Variants in TUBGCP6 observed in about 807,000 individuals in gnomAD.
TUBGCP6 encodes gamma-tubulin complex component 6.
TUBGCP6 carries 161 observed loss-of-function variants against 175.8 expected under a neutral mutation model. The ratio of observed to expected loss-of-function variants is 0.92; its 90% CI spans 0.81 to 1.04. TUBGCP6 has a LOEUF of 1.04. TUBGCP6 is among the 50% of genes least tolerant of loss of function. The pLI, the probability that TUBGCP6 is intolerant of heterozygous loss-of-function variation, is 0.00. For synonymous variants in TUBGCP6, 1,173 were observed against 1,030.5 expected (o/e 1.14, Z -2.65); for missense variants, 2,572 against 2,433.0 (o/e 1.06, Z -1.20).
Position 50,243,788 on chromosome 22 carries a change from A to G in TUBGCP6, c.672T>C (p.Tyr224=), listed in dbSNP as rs767597250. 1.4e-5 allele frequency: 23 copies of G among 1,613,452 alleles called. No homozygotes were observed. Among genetic ancestry groups the G allele is most frequent in the African/African-American group, 5.3e-5 (4 of 74,848 alleles). ...GCAGGCCCAGTCGGACGTCCATGTC[A>G]TAAGTGCGGCTGTGCACAAGGGCCC... The part of the protein sequence containing the change: ...LFGALVHSRT[Y]DMDVRLGLPP... The change falls in exon 1 of 25, where the codon TAT becomes TAC. Residue 224 remains tyrosine (Y), a synonymous_variant. Coordinates refer to ENST00000248846, the MANE Select transcript of TUBGCP6 (RefSeq NM_020461.4).
In TUBGCP6 at chr22:50,224,555, G is replaced by A. The variant is rs35446002; in HGVS notation, c.2021C>T (p.Ala674Val). The change falls in exon 11 of 25, where the codon GCT becomes GTT. Residue 674 changes from alanine to valine, a missense_variant. Ala to Val is a moderately conservative substitution (Grantham distance 64). Transcript: ENST00000248846. The stretch of plus-strand genomic sequence containing the variant: ...CCTGGATGCTGCTTCCCGGGCATGA[G>A]CGATTAATTCTTGTTTTGCAATTTC... ...RMEIAKQELI[A>V]HAREAASRVL... is the part of the protein sequence containing the mutation. The A allele has an allele frequency of 6.6e-4, 1,059 of 1,614,142 alleles. 10 individuals are homozygous for A. The African/African-American group carries it at 0.013, about 19-fold the overall frequency.
chr22:50,220,174 A>C (rs1488884230), intron 16 of TUBGCP6, 77 bp downstream of exon 16: 1 of 1,546,184 alleles, frequency 6.5e-7, no homozygotes, highest in Non-Finnish European at 8.8e-7. Flanking sequence ...CATGCCACCA[A>C]CCCCACTGCC....
At position 50,220,355 on chromosome 22, in the gene TUBGCP6, C is replaced by A; in HGVS notation, c.4004G>T (p.Gly1335Val). Residue 1335 changes from glycine to valine, a missense_variant, in exon 16 of 25, where the codon GGC becomes GTC. Gly to Val is a moderately radical substitution (Grantham distance 109). Coordinates refer to ENST00000248846, the MANE Select transcript of TUBGCP6 (RefSeq NM_020461.4). ...CACGCTGATGCTCCCCTCCCCGCAG[C>A]CCGAGCTGGGGGAGGACAGAGATGG... ...VGPSLSSPSS[G>V]CGEGSISVGE... The A allele has an allele frequency of 6.5e-7, 1 of 1,532,868 alleles. No homozygotes were observed. The highest frequency in any genetic ancestry group is 1.2e-5 in the South Asian group (1 of 80,070). The allele number at this position is 1,532,868 out of a possible 1,614,324, so 95.0% of individuals were successfully genotyped here. A position where few individuals can be genotyped will look rare whatever the true frequency, so the allele number is the denominator to read the frequency against.
In TUBGCP6 at chr22:50,219,706, T is replaced by G. The variant is rs200427761; in HGVS notation, c.4253A>C (p.Tyr1418Ser). The change falls in exon 18 of 25, where the codon TAC becomes TCC. Residue 1418 changes from tyrosine (Y) to serine (S), a missense_variant. Transcript: ENST00000248846. ...AAEAQGGEQA[Y>S]LAGLAGQYHL... ...GTACTGCCCTGCCAGGCCTGCCAGG[T>G]AGGCCTGCTCCCCACCCTGAGCCTC... 7.6e-5 allele frequency: 123 copies of G among 1,613,514 alleles called. No individual in the cohort carries two copies. The highest frequency in any genetic ancestry group is 7.7e-5 in the Non-Finnish European group (91 of 1,179,932).
At position 50,223,983 on chromosome 22, in the gene TUBGCP6, C is replaced by T. The variant is rs878975340; in HGVS notation, c.2270+158G>A. ...CTAAGGATGCCTGGATAAGGCAGAA[C>T]GCCCACAGCCACTCTGGGTTCAGCA... On this transcript the variant is annotated intron_variant, in intron 13 of 24. Coordinates refer to ENST00000248846, the MANE Select transcript of TUBGCP6 (RefSeq NM_020461.4). 14 of 655,726 alleles carry T rather than the reference C, an allele frequency of 2.1e-5. No homozygotes were observed. The East Asian group carries it at 2.7e-4, about 13-fold the overall frequency. 40.6% of individuals were successfully genotyped at this position (655,726 alleles called of 1,614,324 possible). A position where few individuals can be genotyped will look rare whatever the true frequency, so the allele number is the denominator to read the frequency against.
chr22:50,220,531 G>A lies in TUBGCP6; in HGVS notation c.3828C>T (p.His1276=), dbSNP rs202072424. The A allele has an allele frequency of 1.2e-5, 20 of 1,613,466 alleles. No homozygotes were observed. Among genetic ancestry groups the A allele is most frequent in the Non-Finnish European group, 8.5e-7 (1 of 1,180,040 alleles). The change falls in exon 16 of 25, where the codon CAC becomes CAT. Residue 1276 remains histidine (H), a synonymous_variant. Transcript: ENST00000248846. ...WNTHVPIPPP[H]MVLGALSPEA... ...CTGGTGAGAGAGCCCCCAGCACCAT[G>A]TGGGGCGGAGGGATGGGTACATGGG...
rs1482201375 is a variant in TUBGCP6, at chr22:50,218,259, A to T, written c.5098T>A (p.Leu1700Met). 1.2e-6 allele frequency: 2 copies of T among 1,613,102 alleles called. No individual in the cohort carries two copies. Among genetic ancestry groups the T allele is most frequent in the Admixed American group, 1.7e-5 (1 of 60,028 alleles). Residue 1700 changes from leucine (L) to methionine (M), a missense_variant, in exon 23 of 25, where the codon TTG (leucine) becomes ATG (methionine). Transcript: ENST00000248846. ...HVTWCEFRAR[L>M]ATVGDLEEIQ... ...TCCTCCAGGTCGCCCACGGTGGCCA[A>T]CCTGGCCCTGAACTCGCACCAGGTG...
intron 1 of TUBGCP6, 87 bp downstream of exon 1, chr22:50,243,632 A>AGAAGAAGAAGAAGAAGAAGAAG: frequency 1.0e-6 from 1 of 953,116 alleles, no homozygotes; most frequent in South Asian, 2.0e-5. Context: ...AAAAAAAAAA[A>AGAAGAAGAAGAAGAAGAAGAAG]AAGAAGAAGA....
In TUBGCP6 at chr22:50,225,914, G is replaced by A. The variant is rs370335916; in HGVS notation, c.1863C>T (p.Val621=). 69 of 1,613,730 alleles carry A rather than the reference G, an allele frequency of 4.3e-5. No individual in the cohort carries two copies. In the African/African-American group the frequency reaches 7.5e-4, roughly 17 times the overall value. The change falls in exon 10 of 25, where the codon GTC becomes GTT. Residue 621 remains valine, a synonymous_variant. Transcript: ENST00000248846. ...RHYLCWSDVP[V]PRISVIFSLE... ...GGGAGAAAATCACCGAGATCCGGGGGACAGGGACGTCGGACCAACAGAGGT... is the reference window on the plus strand; with the variant it reads ...GGGAGAAAATCACCGAGATCCGGGGAACAGGGACGTCGGACCAACAGAGGT...
At chr22:50,229,280 G>T in intron 4 of TUBGCP6, 124 bp downstream of exon 4, 1 of 1,111,648 alleles carries the variant, frequency 9.0e-7, no homozygotes, top group Non-Finnish European at 1.3e-6. Context: ...GGTTTCAGAT[G>T]TTAGCAAGGA....
intron 15 of TUBGCP6, 30 bp downstream of exon 15, chr22:50,221,998 G>C (rs773135599): frequency 6.2e-7 from 1 of 1,612,924 alleles, no homozygotes; most frequent in South Asian, 1.1e-5. Flanking sequence ...GAAAACCATA[G>C]GGCACCCTGG....
In TUBGCP6 at chr22:50,244,057, T is replaced by C; in HGVS notation, c.403A>G (p.Asn135Asp). The C allele has an allele frequency of 6.2e-7, 1 of 1,614,060 alleles. No homozygotes were observed. The highest frequency in any genetic ancestry group is 8.5e-7 in the Non-Finnish European group (1 of 1,180,026). The change falls in exon 1 of 25, where the codon AAC becomes GAC. Residue 135 changes from asparagine to aspartate, a missense_variant. Coordinates refer to ENST00000248846, the MANE Select transcript of TUBGCP6 (RefSeq NM_020461.4). ...VLPRKRDYFL[N>D]NKHVGRNVPY... ...ACGTTTCTCCCCACATGCTTGTTGT[T>C]AAGGAAGTAGTCTCGTTTTCTCGGC...
intron 15 of TUBGCP6, 51 bp downstream of exon 15, chr22:50,221,977 G>A (rs371054060): frequency 3.6e-5 from 58 of 1,607,854 alleles, no homozygotes; most frequent in South Asian, 1.1e-4. Context: ...ACCAGGTGCC[G>A]AGGGCTATGG....
At position 50,243,753 on chromosome 22, in the gene TUBGCP6, G is replaced by A; in HGVS notation, c.707C>T (p.Pro236Leu). 6.2e-7 allele frequency: 1 copy of A among 1,613,600 alleles called. No individual in the cohort carries two copies. Among genetic ancestry groups the A allele is most frequent in the Non-Finnish European group, 8.5e-7 (1 of 1,179,988 alleles). ...CAGCCCAGAGAGGTCCGCATTGTCT[G>A]GCACGGGGGGCAGGCCCAGTCGGAC... ...MDVRLGLPPVPDNADLSGLAI... is the reference protein window; with the variant it reads ...MDVRLGLPPVLDNADLSGLAI... Residue 236 changes from proline (P) to leucine (L), a missense_variant, in exon 1 of 25, where the codon CCA (proline) becomes CTA (leucine). Coordinates refer to ENST00000248846, the MANE Select transcript of TUBGCP6 (RefSeq NM_020461.4).
At position 50,219,549 on chromosome 22, in the gene TUBGCP6, T is replaced by C. The variant is rs141711240; in HGVS notation, c.4316-93A>G. On this transcript the variant is annotated intron_variant, in intron 18 of 24. Coordinates refer to ENST00000248846, the MANE Select transcript of TUBGCP6 (RefSeq NM_020461.4). ...GATGGAGCACGTGCTGGGAACTGGCTAGCCCAGGGCTCCGCCCCAACCCAC... is the reference window on the plus strand; with the variant it reads ...GATGGAGCACGTGCTGGGAACTGGCCAGCCCAGGGCTCCGCCCCAACCCAC... The C allele has an allele frequency of 2.8e-4, 451 of 1,585,792 alleles. 2 individuals are homozygous for C. The East Asian group carries it at 5.5e-3, about 19-fold the overall frequency.
chr22:50,218,282 G>A lies in TUBGCP6; in HGVS notation c.5075C>T (p.Thr1692Ile), dbSNP rs899835721. 1.2e-6 allele frequency: 2 copies of A among 1,613,010 alleles called. No homozygotes were observed. The highest frequency in any genetic ancestry group is 2.7e-5 in the African/African-American group (2 of 74,942). ...CAACCTGGCCCTGAACTCGCACCAG[G>A]TGACGTGCAGGATCTGGTTGGCGAT... ...GYIANQILHV[T>I]WCEFRARLAT... is the part of the protein sequence containing the mutation. The change falls in exon 23 of 25, where the codon ACC becomes ATC. Residue 1692 changes from threonine to isoleucine, a missense_variant. By Grantham distance (89) the Thr-to-Ile change is moderately conservative. Transcript: ENST00000248846.
At chr22:50,231,449 G>A (rs1200504076) in intron 3 of TUBGCP6, among the ~76,000 whole-genome samples, 3 of 150,998 alleles carry the variant, frequency 2.0e-5, no homozygotes, top group Non-Finnish European at 2.9e-5. Flanking sequence ...GTGAGAATCC[G>A]TCTCAAAAAG....
At chr22:50,226,604 A>C in intron 7 of TUBGCP6, 129 bp downstream of exon 7, 9 of 879,868 alleles carry the variant, frequency 1.0e-5, no homozygotes, top group Non-Finnish European at 1.6e-5. Context: ...GCTCCTGCCC[A>C]GTCCACCTAT....
In TUBGCP6 at chr22:50,221,567, G is replaced by A. The variant is rs151259239; in HGVS notation, c.2792C>T (p.Pro931Leu). 21 of 1,588,242 alleles carry A rather than the reference G, an allele frequency of 1.3e-5. No homozygotes were observed. Among genetic ancestry groups the A allele is most frequent in the South Asian group, 5.7e-5 (5 of 88,458 alleles). The part of the protein sequence containing the change: ...ALQTINLDLP[P>L]SAPGEAPAAA... ...TGCGGGTGCCTCCCCAGGAGCTGAG[G>A]GGGGCAGGTCCAAGTTAATGGTCTG... Residue 931 changes from proline (P) to leucine (L), a missense_variant, in exon 16 of 25, where the codon CCC (proline) becomes CTC (leucine). Coordinates refer to ENST00000248846, the MANE Select transcript of TUBGCP6 (RefSeq NM_020461.4).
Sources: gnomAD v4.1 joint callset for allele counts (sites outside exome capture counted in the v4.1 genomes callset) on GRCh38, gnomAD v4.1.1 for gene constraint, MANE v1.5 for transcripts, NCBI Gene and HGNC (gene_info 2026-07-23, HGNC 2026-07-21) for gene names.